Variants in GPR176 observed in about 807,000 individuals in gnomAD.
GPR176 encodes G-protein coupled receptor 176.
Under a neutral mutation model 35.4 loss-of-function variants are expected in GPR176, and 26 were observed. The ratio of observed to expected loss-of-function variants is 0.74; its 90% CI spans 0.54 to 1.02. GPR176 has a LOEUF of 1.02. GPR176 is among the 50% of genes least tolerant of loss of function. The pLI, the probability that GPR176 is intolerant of heterozygous loss-of-function variation, is 0.00. For synonymous variants in GPR176, 278 were observed against 271.3 expected (o/e 1.02, Z -0.24); for missense variants, 597 against 665.3 (o/e 0.90, Z 1.13).
intron 1 of GPR176, among the ~76,000 whole-genome samples, chr15:39,849,774 T>C (rs576174650): frequency 1.6e-4 from 25 of 152,206 alleles, no homozygotes; most frequent in African/African-American, 5.5e-4. Flanking sequence ...AGAACACCAA[T>C]AGCTAACATT....
intron 1 of GPR176, among the ~76,000 whole-genome samples, chr15:39,905,679 T>G (rs1357142301): frequency 6.6e-6 from 1 of 152,188 alleles, no homozygotes; most frequent in Non-Finnish European, 1.5e-5. Context: ...CTCCCAAGAA[T>G]TATACTGCAT....
At chr15:39,911,723 G>A (rs1190921886) in intron 1 of GPR176, among the ~76,000 whole-genome samples, 2 of 152,038 alleles carry the variant, frequency 1.3e-5, no homozygotes, top group Non-Finnish European at 2.9e-5. Context: ...ATTGAGTTTT[G>A]GTCATGCCTT....
intron 2 of GPR176, 22 bp from the exon 3 acceptor site, chr15:39,802,276 T>C (rs771658241): frequency 2.0e-6 from 3 of 1,533,656 alleles, no homozygotes; most frequent in South Asian, 2.5e-5. Context: ...ACAAACAAAA[T>C]TAATTCCACA....
At chr15:39,829,369 G>A (rs980238868) in intron 1 of GPR176, 11 of 1,295,282 alleles carry the variant, frequency 8.5e-6, no homozygotes, top group African/African-American at 1.5e-5. Context: ...AGGACACAAG[G>A]AGCTCACAAT....
intron 1 of GPR176, among the ~76,000 whole-genome samples, chr15:39,897,599 A>T (rs113926985): frequency 0.023 from 2,062 of 88,792 alleles, 58 homozygotes; most frequent in Middle Eastern, 0.069. Context: ...ACATCCAAAT[A>T]TTTTTTTTTT....
intron 1 of GPR176, among the ~76,000 whole-genome samples, chr15:39,903,488 A>T (rs2033337054): frequency 6.6e-6 from 1 of 152,226 alleles, no homozygotes; most frequent in African/African-American, 2.4e-5. Flanking sequence ...TGGCAACCAG[A>T]CAAACAGGGA....
chr15:39,896,866 T>A (rs1040807391), intron 1 of GPR176, among the ~76,000 whole-genome samples: 3 of 152,226 alleles, frequency 2.0e-5, no homozygotes, highest in African/African-American at 7.2e-5. Flanking sequence ...GAAGATCCTG[T>A]CTCTATAAAG....
intron 1 of GPR176, chr15:39,861,011 T>C (rs962107694): frequency 2.0e-5 from 3 of 152,102 alleles, no homozygotes; most frequent in African/African-American, 7.2e-5. Flanking sequence ...CCTCTGTTCA[T>C]ACCAACTATA....
chr15:39,841,941 G>C (rs1326641137), intron 1 of GPR176, among the ~76,000 whole-genome samples: 1 of 152,080 alleles, frequency 6.6e-6, no homozygotes, highest in African/African-American at 2.4e-5. Context: ...AATACATTAA[G>C]ATTAAAGCTC....
At chr15:39,853,113 C>G (rs28624789) in intron 1 of GPR176, among the ~76,000 whole-genome samples, 1 of 151,924 alleles carries the variant, frequency 6.6e-6, no homozygotes, top group Admixed American at 6.6e-5. Context: ...GATATTTGCA[C>G]ACTCATGGTC....
At chr15:39,888,774 G>A (rs753582315) in intron 1 of GPR176, among the ~76,000 whole-genome samples, 13 of 152,158 alleles carry the variant, frequency 8.5e-5, no homozygotes, top group Non-Finnish European at 1.8e-4. Flanking sequence ...GAACCTTCCC[G>A]ATTCTTAGAC....
chr15:39,844,987 A>C (rs2030314547), intron 1 of GPR176, among the ~76,000 whole-genome samples: 1 of 152,152 alleles, frequency 6.6e-6, no homozygotes, highest in Non-Finnish European at 1.5e-5. Context: ...CCGTATCTCA[A>C]GAGCCAGCTC....
intron 1 of GPR176, among the ~76,000 whole-genome samples, chr15:39,909,149 T>C (rs2033507988): frequency 6.6e-6 from 1 of 152,238 alleles, no homozygotes; most frequent in Non-Finnish European, 1.5e-5. Context: ...ATACAGGTTC[T>C]GCCCAACAGA....
At chr15:39,891,666 C>T (rs117845316) in intron 1 of GPR176, among the ~76,000 whole-genome samples, 387 of 152,182 alleles carry the variant, frequency 2.5e-3, no homozygotes, top group Middle Eastern at 6.8e-3. Flanking sequence ...CCAAAACAGA[C>T]GGGCACCAGA....
intron 1 of GPR176, among the ~76,000 whole-genome samples, chr15:39,814,186 TTTA>T (rs1899748591): frequency 6.6e-6 from 1 of 152,256 alleles, no homozygotes; most frequent in Non-Finnish European, 1.5e-5. Context: ...CTCTTTGAAT[TTTA>T]TCCTGCCTCT....
intron 1 of GPR176, among the ~76,000 whole-genome samples, chr15:39,913,289 A>C (rs1595526913): frequency 1.3e-5 from 2 of 152,208 alleles, no homozygotes; most frequent in Non-Finnish European, 1.5e-5. Context: ...TAACACCTAT[A>C]ATCCCAGCAC....
At chr15:39,865,715 A>T (rs571796625) in intron 1 of GPR176, among the ~76,000 whole-genome samples, 10 of 152,310 alleles carry the variant, frequency 6.6e-5, no homozygotes, top group African/African-American at 2.4e-4. Context: ...AAAAAGGACT[A>T]TATCAAAGTG....
intron 1 of GPR176, among the ~76,000 whole-genome samples, chr15:39,825,689 G>A (rs1900592692): frequency 6.6e-6 from 1 of 152,020 alleles, no homozygotes; most frequent in Non-Finnish European, 1.5e-5. Context: ...TTTTATATCT[G>A]TGATATTGAT....
intron 1 of GPR176, among the ~76,000 whole-genome samples, chr15:39,916,647 TG>T (rs2033732969): frequency 6.6e-6 from 1 of 152,244 alleles, no homozygotes; most frequent in Admixed American, 6.5e-5. Context: ...TATTTAAATT[TG>T]TTTCAAGAGA....
Sources: gnomAD v4.1 joint callset for allele counts (sites outside exome capture counted in the v4.1 genomes callset) on GRCh38, gnomAD v4.1.1 for gene constraint, MANE v1.5 for transcripts, NCBI Gene and HGNC (gene_info 2026-07-23, HGNC 2026-07-21) for gene names.